Variants in ZNF280D observed in about 807,000 individuals in gnomAD.
ZNF280D encodes suppressor of hairy wing homolog 4.
Under a neutral mutation model 94.7 loss-of-function variants are expected in ZNF280D, and 39 were observed. The observed-to-expected ratio is 0.41, with a 90% CI of 0.32 to 0.54. The LOEUF (loss-of-function observed/expected upper bound fraction) is 0.54. Among genes scored for constraint, ZNF280D ranks in the 20% least tolerant of loss-of-function variants. The probability of loss-of-function intolerance (pLI) is 0.22; values close to 1 mark genes in which losing one functional copy is unlikely to be tolerated. For missense variants in ZNF280D, 1,090 were observed against 1,149.3 expected (o/e 0.95, Z 0.75); for synonymous variants, 398 against 377.6 (o/e 1.05, Z -0.63).
intron 1 of ZNF280D, among the ~76,000 whole-genome samples, chr15:56,712,086 G>A (rs1234138600): frequency 1.3e-5 from 2 of 152,130 alleles, no homozygotes; most frequent in Non-Finnish European, 2.9e-5. Context: ...TCATTACAGT[G>A]AAATTTCTCA....
chr15:56,693,661 A>G (rs556528563), intron 6 of ZNF280D, among the ~76,000 whole-genome samples: 1 of 152,170 alleles, frequency 6.6e-6, no homozygotes, highest in East Asian at 1.9e-4. Context: ...AAAAGCAAGG[A>G]GAAAAAAAAA....
In ZNF280D at chr15:56,704,161, G is replaced by A. The variant is rs761808104; in HGVS notation, c.135C>T (p.Ile45=). The change falls in exon 4 of 22, where the codon ATC becomes ATT. Residue 45 remains isoleucine, a synonymous_variant. Coordinates refer to ENST00000267807, the MANE Select transcript of ZNF280D (RefSeq NM_017661.4). ...TTGAACTTGATATCTCGCCAACAAA[G>A]ATTGGCTCATCATCATCGTCATCCT... is the stretch of plus-strand genomic sequence containing the variant. ...EVEDDDDDEP[I]FVGEISSSKP... is the part of the protein sequence containing the mutation. 2.5e-6 allele frequency: 4 copies of A among 1,613,658 alleles called. No individual in the cohort carries two copies. In the East Asian group the frequency reaches 6.7e-5, roughly 27 times the overall value.
chr15:56,653,342 G>A (rs1299161235), intron 19 of ZNF280D: 4 of 1,256,270 alleles, frequency 3.2e-6, no homozygotes, highest in African/African-American at 3.1e-5. Flanking sequence ...AAAGCCCCCA[G>A]TGGGAAGTAT....
At chr15:56,680,463 C>CA (rs1340202241) in intron 10 of ZNF280D, among the ~76,000 whole-genome samples, 3 of 151,752 alleles carry the variant, frequency 2.0e-5, no homozygotes, top group Non-Finnish European at 2.9e-5. Flanking sequence ...TAAACATAAC[C>CA]AAAAAAATGA....
chr15:56,680,119 C>T (rs1419265626), intron 10 of ZNF280D, among the ~76,000 whole-genome samples: 8 of 152,086 alleles, frequency 5.3e-5, no homozygotes, highest in Non-Finnish European at 1.2e-4. Context: ...GTTCACAGAA[C>T]AAGATAAATC....
At chr15:56,678,196 C>T (rs1156468900) in intron 11 of ZNF280D, among the ~76,000 whole-genome samples, 1 of 151,820 alleles carries the variant, frequency 6.6e-6, no homozygotes, top group Non-Finnish European at 1.5e-5. Context: ...TTAGTAGAGA[C>T]GGGGTTTTGC....
intron 1 of ZNF280D, among the ~76,000 whole-genome samples, chr15:56,720,688 G>A (rs1448233356): frequency 4.6e-5 from 7 of 152,094 alleles, no homozygotes; most frequent in African/African-American, 2.4e-5. Flanking sequence ...CTTGACCCAT[G>A]GGCAGCAGAA....
chr15:56,725,349 G>C (rs1358309151), intron 1 of ZNF280D, among the ~76,000 whole-genome samples: 1 of 151,894 alleles, frequency 6.6e-6, no homozygotes. Context: ...CCCCAAACCT[G>C]AGAAATTTTT....
intron 21 of ZNF280D, among the ~76,000 whole-genome samples, chr15:56,632,433 T>C (rs1320786995): frequency 1.3e-5 from 2 of 152,002 alleles, no homozygotes; most frequent in East Asian, 3.8e-4. Context: ...AGTATTTTTA[T>C]TAACTTGTAA....
chr15:56,676,872 T>G (rs1596465420), intron 12 of ZNF280D, 56 bp from the exon 13 acceptor site: 1 of 1,304,062 alleles, frequency 7.7e-7, no homozygotes, highest in East Asian at 2.3e-5. Context: ...GATATGCAAT[T>G]ACAAAGGAAC....
intron 20 of ZNF280D, among the ~76,000 whole-genome samples, chr15:56,641,743 G>A (rs779990345): frequency 6.6e-6 from 1 of 151,636 alleles, no homozygotes. Flanking sequence ...TGTATAAACC[G>A]GAAACATTTG....
intron 1 of ZNF280D, among the ~76,000 whole-genome samples, chr15:56,723,106 A>G (rs935361464): frequency 1.3e-5 from 2 of 151,242 alleles, no homozygotes; most frequent in Admixed American, 6.6e-5. Flanking sequence ...GAGGGATAGC[A>G]CTGGGAGATA....
At chr15:56,703,071 T>C (rs1427434929) in intron 4 of ZNF280D, among the ~76,000 whole-genome samples, 2 of 152,162 alleles carry the variant, frequency 1.3e-5, no homozygotes, top group Non-Finnish European at 2.9e-5. Flanking sequence ...AATTTGTACA[T>C]TGTTTCTCTG....
Position 56,727,930 on chromosome 15 carries a change from A to G in ZNF280D, c.-86+5528T>C, listed in dbSNP as rs560135725. ...CTCATCCAGTGGGAAGAACTTCATCACACAATATTTTTACATTAAGAATAT... is the reference window on the plus strand; with the variant it reads ...CTCATCCAGTGGGAAGAACTTCATCGCACAATATTTTTACATTAAGAATAT... On this transcript the variant is annotated intron_variant, in intron 1 of 21. Transcript: ENST00000267807. 1.2e-4 allele frequency among the ~76,000 whole-genome samples: 19 copies of G among 152,368 alleles called. No homozygotes were observed. In the South Asian group the frequency reaches 3.9e-3, roughly 32 times the overall value.
intron 16 of ZNF280D, 135 bp from the exon 17 acceptor site, chr15:56,658,621 T>C (rs1280788559): frequency 8.6e-6 from 5 of 578,282 alleles, no homozygotes; most frequent in Non-Finnish European, 1.5e-5. Context: ...ATAATGCCTG[T>C]CACTTCCATT....
At chr15:56,654,598 A>T in intron 17 of ZNF280D, 95 bp from the exon 18 acceptor site, 1 of 1,095,542 alleles carries the variant, frequency 9.1e-7, no homozygotes, top group Middle Eastern at 2.4e-4. Context: ...TTTTTGTGCC[A>T]TACATAACTA....
chr15:56,661,262 G>A (rs2053925200), intron 16 of ZNF280D, among the ~76,000 whole-genome samples: 1 of 152,082 alleles, frequency 6.6e-6, no homozygotes, highest in South Asian at 2.1e-4. Flanking sequence ...AGGAGTTGAA[G>A]GAGTTGAAAA....
intron 14 of ZNF280D, chr15:56,668,120 AAC>A: frequency 2.2e-6 from 1 of 454,858 alleles, no homozygotes; most frequent in Non-Finnish European, 4.4e-6. Context: ...TAATTCAAAT[AAC>A]AGACATACCC....
intron 11 of ZNF280D, 74 bp downstream of exon 11, chr15:56,678,583 TAACAGGC>T: frequency 1.6e-6 from 2 of 1,276,896 alleles, no homozygotes; most frequent in Non-Finnish European, 2.1e-6. Context: ...CTCATTTTTC[TAACAGGC>T]TTCTTAAGGT....
Sources: gnomAD v4.1 joint callset for allele counts (sites outside exome capture counted in the v4.1 genomes callset) on GRCh38, gnomAD v4.1.1 for gene constraint, MANE v1.5 for transcripts, NCBI Gene and HGNC (gene_info 2026-07-23, HGNC 2026-07-21) for gene names.